Variants in PTPRO observed in about 807,000 individuals in gnomAD.
PTPRO encodes the protein receptor-type tyrosine-protein phosphatase O.
In PTPRO, 62 loss-of-function variants were observed where a neutral mutation model predicts 145.2. The ratio of observed to expected loss-of-function variants is 0.43; its 90% CI spans 0.35 to 0.53. The LOEUF (loss-of-function observed/expected upper bound fraction) is 0.53, where lower values mean the gene tolerates loss of function less well. PTPRO is among the 20% of genes least tolerant of loss of function. The probability of loss-of-function intolerance (pLI) is 0.01; values close to 1 mark genes in which losing one functional copy is unlikely to be tolerated. For missense variants in PTPRO, 1,345 were observed against 1,482.7 expected, an observed-to-expected ratio of 0.91 and a Z score of 1.53; for synonymous variants, 565 against 514.7, an observed-to-expected ratio of 1.10 and a Z score of -1.32.
At chr12:15,577,524 C>T (rs1288714893) in intron 19 of PTPRO, among the ~76,000 whole-genome samples, 5 of 152,154 alleles carry the variant, frequency 3.3e-5, no homozygotes, top group Non-Finnish European at 5.9e-5. Flanking sequence ...AAAGACCCTC[C>T]GAAATTCTTC....
chr12:15,475,690 TTGA>T (rs1202980113), intron 1 of PTPRO, among the ~76,000 whole-genome samples: 1 of 152,080 alleles, frequency 6.6e-6, no homozygotes, highest in Non-Finnish European at 1.5e-5. Context: ...CTCGGTGAAT[TTGA>T]AAGCATATTT....
chr12:15,360,838 A>ATATG (rs1491450779), intron 1 of PTPRO, among the ~76,000 whole-genome samples: 20 of 112,266 alleles, frequency 1.8e-4, no homozygotes, highest in Middle Eastern at 4.6e-3. Flanking sequence ...GTATATATAT[A>ATATG]CGTGTGTATA....
At chr12:15,410,083 GA>G (rs1163378785) in intron 1 of PTPRO, among the ~76,000 whole-genome samples, 2 of 151,584 alleles carry the variant, frequency 1.3e-5, no homozygotes, top group African/African-American at 4.8e-5. Context: ...AAAGAAAAAT[GA>G]AAAAAAGAGA....
chr12:15,560,371 A>G (rs1460507766), intron 17 of PTPRO, 95 bp downstream of exon 17: 1 of 925,212 alleles, frequency 1.1e-6, no homozygotes, highest in Non-Finnish European at 1.7e-6. Flanking sequence ...ACTATTTTGT[A>G]TGTTCAGTAA....
rs141210061 is a variant in PTPRO, at chr12:15,342,291, C to T, written c.75+19490C>T. Reference sequence around the variant, plus strand: ...TTAGCCCTGTCTTTTATATACTGACCAGATCATTCTCATTAAAAATTGTTG... The same window carrying T: ...TTAGCCCTGTCTTTTATATACTGACTAGATCATTCTCATTAAAAATTGTTG... On this transcript the variant is annotated intron_variant, in intron 1 of 26. Coordinates refer to ENST00000281171, the MANE Select transcript of PTPRO (RefSeq NM_030667.3). Among the ~76,000 whole-genome samples, 382 of 152,192 alleles carry T rather than the reference C, an allele frequency of 2.5e-3. 4 individuals carry two copies. Among genetic ancestry groups the T allele is most frequent in the African/African-American group, 8.7e-3 (360 of 41,516 alleles).
Position 15,374,016 on chromosome 12 carries a change from T to G in PTPRO, c.75+51215T>G, listed in dbSNP as rs972518190. Among the ~76,000 whole-genome samples, 81 of 152,260 alleles carry G rather than the reference T, an allele frequency of 5.3e-4. 1 individual carries two copies. The highest frequency in any genetic ancestry group is 1.9e-3 in the African/African-American group (80 of 41,556). On this transcript the variant is annotated intron_variant, in intron 1 of 26. Transcript: ENST00000281171. Reference sequence around the variant, plus strand: ...CTCAAAAATTCAAAGAACAATTGGTTTAAGAAAAGGAATGAACATGCCTAA... The same window carrying G: ...CTCAAAAATTCAAAGAACAATTGGTGTAAGAAAAGGAATGAACATGCCTAA...
intron 12 of PTPRO, among the ~76,000 whole-genome samples, chr12:15,538,680 G>C (rs964944004): frequency 1.3e-5 from 2 of 152,232 alleles, no homozygotes; most frequent in East Asian, 1.9e-4. Flanking sequence ...ACACAAGCAA[G>C]TGCCCACTCT....
At chr12:15,505,123 C>T (rs147350298) in intron 6 of PTPRO, among the ~76,000 whole-genome samples, 3,786 of 152,238 alleles carry the variant, frequency 0.025, 81 homozygotes, top group Non-Finnish European at 0.035. Context: ...GCCTCACTTA[C>T]CAAATAGTTT....
rs1192262100 is a variant in PTPRO, at chr12:15,565,618, A to G, written c.2737A>G (p.Lys913Glu). The change falls in exon 18 of 27, where the codon AAA becomes GAA. Residue 913 changes from lysine (K) to glutamate (E), a missense_variant. Lys to Glu is a moderately conservative substitution (Grantham distance 56). Coordinates refer to ENST00000281171, the MANE Select transcript of PTPRO (RefSeq NM_030667.3). ...GAGTAAAAATGGTTTAAAGAAGAGG[A>G]AACTGACAAAGTAAGTTTTTCTTAC... ...PWSKNGLKKR[K>E]LTNPVQLDDF... 6.9e-7 allele frequency: 1 copy of G among 1,452,890 alleles called. No individual in the cohort carries two copies. Among genetic ancestry groups the G allele is most frequent in the Non-Finnish European group, 9.6e-7 (1 of 1,037,586 alleles). 90.0% of individuals were successfully genotyped at this position (1,452,890 alleles called of 1,614,324 possible).
intron 12 of PTPRO, among the ~76,000 whole-genome samples, chr12:15,528,723 C>T (rs1015955070): frequency 6.6e-5 from 10 of 151,790 alleles, no homozygotes; most frequent in African/African-American, 2.2e-4. Flanking sequence ...CACCCCAAAG[C>T]GTATAATACT....
chr12:15,359,892 A>G (rs1938121890), intron 1 of PTPRO, among the ~76,000 whole-genome samples: 1 of 152,114 alleles, frequency 6.6e-6, no homozygotes, highest in Admixed American at 6.5e-5. Flanking sequence ...TGAACAGCCC[A>G]CTCAGCTTTG....
At chr12:15,419,795 A>G (rs1940085679) in intron 1 of PTPRO, among the ~76,000 whole-genome samples, 1 of 151,506 alleles carries the variant, frequency 6.6e-6, no homozygotes, top group Non-Finnish European at 1.5e-5. Context: ...TGTCGAGATT[A>G]CTAGATGTAC....
At chr12:15,462,171 C>A (rs905535502) in intron 1 of PTPRO, among the ~76,000 whole-genome samples, 1 of 152,120 alleles carries the variant, frequency 6.6e-6, no homozygotes, top group Non-Finnish European at 1.5e-5. Flanking sequence ...GTTGCCCAGG[C>A]TGGAATGCAA....
intron 4 of PTPRO, among the ~76,000 whole-genome samples, chr12:15,499,996 C>T (rs558915113): frequency 7.2e-5 from 11 of 152,024 alleles, no homozygotes; most frequent in Non-Finnish European, 1.3e-4. Flanking sequence ...CTAAAACTTG[C>T]GGTGCTTGAT....
chr12:15,593,169 A>G (rs1242859454), intron 25 of PTPRO, among the ~76,000 whole-genome samples: 2 of 152,234 alleles, frequency 1.3e-5, no homozygotes, highest in Admixed American at 6.5e-5. Flanking sequence ...CTGATAGGAT[A>G]CCATCACCAC....
intron 18 of PTPRO, 143 bp from the exon 19 acceptor site, chr12:15,569,273 CA>C (rs537860370): frequency 0.032 from 17,458 of 539,262 alleles, no homozygotes; most frequent in South Asian, 0.047. Context: ...TAACTTGAAC[CA>C]AAAAAAAAAG....
chr12:15,350,007 T>C (rs551498514), intron 1 of PTPRO, among the ~76,000 whole-genome samples: 1 of 152,250 alleles, frequency 6.6e-6, no homozygotes, highest in South Asian at 2.1e-4. Context: ...GATAGCCAGG[T>C]AGAGATGCCC....
intron 1 of PTPRO, among the ~76,000 whole-genome samples, chr12:15,441,817 T>C (rs1488252087): frequency 6.6e-6 from 1 of 152,066 alleles, no homozygotes; most frequent in East Asian, 1.9e-4. Context: ...AATTGAAACA[T>C]TGAACAGACC....
chr12:15,512,418 A>G (rs1942461315), intron 7 of PTPRO, among the ~76,000 whole-genome samples: 1 of 152,066 alleles, frequency 6.6e-6, no homozygotes, highest in Non-Finnish European at 1.5e-5. Flanking sequence ...CCCAGCCTGG[A>G]GCAATGTTGA....
Sources: gnomAD v4.1 joint callset for allele counts (sites outside exome capture counted in the v4.1 genomes callset) on GRCh38, gnomAD v4.1.1 for gene constraint, MANE v1.5 for transcripts, NCBI Gene and HGNC (gene_info 2026-07-23, HGNC 2026-07-21) for gene names.